Variants in KCNH1 observed in about 807,000 individuals in gnomAD.
KCNH1 encodes the protein potassium voltage-gated channel subfamily H member 1, also known as voltage-gated delayed rectifier potassium channel KCNH1.
KCNH1 carries 27 observed loss-of-function variants against 69.2 expected under a neutral mutation model. That is an observed-to-expected ratio of 0.39 (90% CI 0.29 to 0.54). The LOEUF (loss-of-function observed/expected upper bound fraction) is 0.54. Among genes scored for constraint, KCNH1 ranks in the 20% least tolerant of loss-of-function variants. KCNH1 has a pLI of 0.68. For missense variants in KCNH1, 798 were observed against 1,261.6 expected (o/e 0.63, Z 5.57); for synonymous variants, 456 against 487.7 (o/e 0.93, Z 0.86).
intron 7 of KCNH1, among the ~76,000 whole-genome samples, chr1:210,806,857 A>T (rs1436860346): frequency 7.7e-6 from 1 of 130,070 alleles, no homozygotes; most frequent in Non-Finnish European, 1.6e-5. Context: ...ATATATATAA[A>T]TTTGCCGGGC....
rs543471666 is a variant in KCNH1, at chr1:211,023,837, T to G, written c.559-4581A>C. On this transcript the variant is annotated intron_variant, in intron 5 of 10. Coordinates refer to ENST00000271751, the MANE Select transcript of KCNH1 (RefSeq NM_172362.3). ...CACATCTAATGTGCATCAATAAAAA[T>G]CGTTTTTTAAAATTAGTATTTGATA... Among the ~76,000 whole-genome samples the G allele has an allele frequency of 4.6e-5, 7 of 152,274 alleles. No homozygotes were observed. In the South Asian group the frequency reaches 1.5e-3, roughly 32 times the overall value.
chr1:210,870,764 T>C (rs1351101070), intron 7 of KCNH1, among the ~76,000 whole-genome samples: 2 of 152,198 alleles, frequency 1.3e-5, no homozygotes, highest in Non-Finnish European at 2.9e-5. Context: ...TGGTTCTTTA[T>C]GATACTAATA....
chr1:210,876,748 G>A (rs973758920), intron 7 of KCNH1, among the ~76,000 whole-genome samples: 1 of 152,096 alleles, frequency 6.6e-6, no homozygotes, highest in South Asian at 2.1e-4. Flanking sequence ...ATAAAGCGAT[G>A]AGTAGCACAA....
chr1:211,019,304 G>T, intron 5 of KCNH1, 48 bp from the exon 6 acceptor site: 1 of 1,224,160 alleles, frequency 8.2e-7, no homozygotes, highest in Admixed American at 2.0e-5. Flanking sequence ...GGATTTAATT[G>T]CAAGTATCTA....
chr1:211,080,143 C>T (rs1335034629), intron 5 of KCNH1, among the ~76,000 whole-genome samples: 1 of 152,122 alleles, frequency 6.6e-6, no homozygotes, highest in Non-Finnish European at 1.5e-5. Flanking sequence ...AATCAATGTG[C>T]AAAAATCACA....
intron 7 of KCNH1, among the ~76,000 whole-genome samples, chr1:210,824,811 C>T (rs1558485155): frequency 2.0e-5 from 3 of 152,176 alleles, no homozygotes; most frequent in Admixed American, 1.3e-4. Flanking sequence ...ATTTCATGCT[C>T]ATTGGTCTTA....
intron 7 of KCNH1, chr1:210,859,205 T>A (rs1004818443): frequency 2.5e-6 from 4 of 1,610,974 alleles, no homozygotes; most frequent in African/African-American, 1.3e-5. Flanking sequence ...GCCTCCAAAA[T>A]TGAAAGAACT....
intron 6 of KCNH1, among the ~76,000 whole-genome samples, chr1:210,991,824 G>T (rs2102389939): frequency 6.6e-6 from 1 of 152,230 alleles, no homozygotes; most frequent in African/African-American, 2.4e-5. Context: ...AGCAGAATTA[G>T]CCCTTAGCAC....
intron 10 of KCNH1, among the ~76,000 whole-genome samples, chr1:210,707,020 C>T (rs536710369): frequency 5.9e-5 from 9 of 152,118 alleles, no homozygotes; most frequent in African/African-American, 1.9e-4. Flanking sequence ...ATTCACAGTC[C>T]AGGAAGTAAG....
rs111725323 is a variant in KCNH1, at chr1:210,891,569, A to G, written c.1462+28071T>C. 1.8e-3 allele frequency among the ~76,000 whole-genome samples: 270 copies of G among 151,962 alleles called. 4 individuals carry two copies. Among genetic ancestry groups the G allele is most frequent in the African/African-American group, 6.1e-3 (252 of 41,452 alleles). On this transcript the variant is annotated intron_variant, in intron 7 of 10. Coordinates refer to ENST00000271751, the MANE Select transcript of KCNH1 (RefSeq NM_172362.3). ...AAAAAAAAAAGTCAGGAAACAACAGATGCTGAAGAGGATGTGGAGAATAGG... is the reference window on the plus strand; with the variant it reads ...AAAAAAAAAAGTCAGGAAACAACAGGTGCTGAAGAGGATGTGGAGAATAGG...
At chr1:211,054,852 A>G (rs1341184719) in intron 5 of KCNH1, among the ~76,000 whole-genome samples, 1 of 152,170 alleles carries the variant, frequency 6.6e-6, no homozygotes, top group African/African-American at 2.4e-5. Flanking sequence ...AAAAAGGGAA[A>G]GAGGGAGGAG....
chr1:210,888,583 A>T (rs56144254), intron 7 of KCNH1, among the ~76,000 whole-genome samples: 9,646 of 152,230 alleles, frequency 0.063, 599 homozygotes, highest in African/African-American at 0.15. Flanking sequence ...GGAGACGGAG[A>T]CATAAAAAAC....
intron 1 of KCNH1, among the ~76,000 whole-genome samples, chr1:211,131,224 C>T (rs1279011891): frequency 1.3e-5 from 2 of 151,704 alleles, no homozygotes; most frequent in East Asian, 1.9e-4. Flanking sequence ...TATGATATTC[C>T]GGGCATCAGA....
At chr1:211,065,950 T>C (rs1387762637) in intron 5 of KCNH1, among the ~76,000 whole-genome samples, 1 of 151,956 alleles carries the variant, frequency 6.6e-6, no homozygotes. Context: ...CCCCACCTAC[T>C]TGGGAGGCTG....
intron 6 of KCNH1, 151 bp downstream of exon 6, chr1:211,018,632 C>T: frequency 1.5e-6 from 1 of 681,362 alleles, no homozygotes; most frequent in East Asian, 2.7e-5. Context: ...AGGATGGGAA[C>T]AGCAGGCAAG....
At chr1:210,997,555 C>T (rs1367472291) in intron 6 of KCNH1, among the ~76,000 whole-genome samples, 1 of 152,144 alleles carries the variant, frequency 6.6e-6, no homozygotes, top group Non-Finnish European at 1.5e-5. Context: ...CTGAAAGTGA[C>T]AGGGAGAATG....
rs12022372 is a variant in KCNH1 at position 211,046,431 on chromosome 1, G to A, written c.559-27175C>T. 0.019 allele frequency among the ~76,000 whole-genome samples: 2,825 copies of A among 152,246 alleles called. 323 individuals carry two copies. The East Asian group carries it at 0.32, about 17-fold the overall frequency. On this transcript the variant is annotated intron_variant, in intron 5 of 10. Coordinates refer to ENST00000271751, the MANE Select transcript of KCNH1 (RefSeq NM_172362.3). Reference sequence around the variant, plus strand: ...AGCAGATGCCCTTCCCCAGGAGCGAGGGTGTTATGGCATTGGTTATCATTT... The same window carrying A: ...AGCAGATGCCCTTCCCCAGGAGCGAAGGTGTTATGGCATTGGTTATCATTT...
intron 10 of KCNH1, among the ~76,000 whole-genome samples, chr1:210,761,607 T>G (rs1359337183): frequency 6.6e-6 from 1 of 152,080 alleles, no homozygotes; most frequent in Non-Finnish European, 1.5e-5. Context: ...TTATATCACA[T>G]AAAATAGGCT....
At chr1:211,126,233 C>T (rs1218537193) in intron 1 of KCNH1, among the ~76,000 whole-genome samples, 1 of 151,834 alleles carries the variant, frequency 6.6e-6, no homozygotes, top group East Asian at 1.9e-4. Context: ...GTGTATGGGG[C>T]CGGTGGTAGC....
Sources: gnomAD v4.1 joint callset for allele counts (sites outside exome capture counted in the v4.1 genomes callset) on GRCh38, gnomAD v4.1.1 for gene constraint, MANE v1.5 for transcripts, NCBI Gene and HGNC (gene_info 2026-07-23, HGNC 2026-07-21) for gene names.